Variants in HTR1F observed in about 807,000 individuals in gnomAD.
HTR1F encodes the protein 5-hydroxytryptamine (serotonin) receptor 1F, G protein-coupled.
In HTR1F, 17 loss-of-function variants were observed where a neutral mutation model predicts 24.0. That is an observed-to-expected ratio of 0.71 (90% CI 0.48 to 1.06). The LOEUF is 1.06. HTR1F is among the 50% of genes least tolerant of loss of function. The probability of loss-of-function intolerance (pLI) is 0.00; values close to 1 mark genes in which losing one functional copy is unlikely to be tolerated. For synonymous variants in HTR1F, 186 were observed against 156.8 expected, an observed-to-expected ratio of 1.19 and a Z score of -1.39; for missense variants, 391 against 427.8, an observed-to-expected ratio of 0.91 and a Z score of 0.76.
At chr3:87,836,523 T>G (rs891365494) in intron 2 of HTR1F, among the ~76,000 whole-genome samples, 3 of 152,166 alleles carry the variant, frequency 2.0e-5, no homozygotes, top group South Asian at 2.1e-4. Flanking sequence ...CAGTAAGCAT[T>G]GAATAAAGGT....
At chr3:87,804,293 T>C (rs1435479878) in intron 1 of HTR1F, among the ~76,000 whole-genome samples, 2 of 152,098 alleles carry the variant, frequency 1.3e-5, no homozygotes, top group Non-Finnish European at 2.9e-5. Context: ...AAATAAAAGC[T>C]AGGCTTGGTG....
At chr3:87,976,626 AT>A (rs1179599391) in intron 2 of HTR1F, among the ~76,000 whole-genome samples, 2 of 152,338 alleles carry the variant, frequency 1.3e-5, no homozygotes, top group East Asian at 1.9e-4. Flanking sequence ...AATTTAACAT[AT>A]TTTTATTCAT....
intron 2 of HTR1F, among the ~76,000 whole-genome samples, chr3:87,892,119 C>G (rs576900599): frequency 6.6e-6 from 1 of 152,290 alleles, no homozygotes; most frequent in Admixed American, 6.5e-5. Flanking sequence ...CTATCAATAG[C>G]TCTGTGACTT....
intron 2 of HTR1F, among the ~76,000 whole-genome samples, chr3:87,824,704 GACATGTGT>G (rs1431279074): frequency 6.6e-6 from 1 of 152,152 alleles, no homozygotes; most frequent in Non-Finnish European, 1.5e-5. Context: ...CCTGGACTGG[GACATGTGT>G]ATAGGTGTGC....
At chr3:87,847,805 C>T (rs1048319391) in intron 2 of HTR1F, among the ~76,000 whole-genome samples, 3 of 151,802 alleles carry the variant, frequency 2.0e-5, no homozygotes, top group African/African-American at 7.3e-5. Flanking sequence ...TTTGTCTTTC[C>T]GTGCTTAGGT....
chr3:87,817,362 C>A (rs918127105), intron 1 of HTR1F, among the ~76,000 whole-genome samples: 1 of 152,070 alleles, frequency 6.6e-6, no homozygotes, highest in Admixed American at 6.6e-5. Context: ...TATCATTATA[C>A]AAAAACAGTC....
intron 2 of HTR1F, among the ~76,000 whole-genome samples, chr3:87,832,252 A>T (rs2107155098): frequency 1.3e-5 from 2 of 152,112 alleles, no homozygotes; most frequent in South Asian, 4.2e-4. Context: ...AGTAGAAATA[A>T]TTAATTATAT....
chr3:87,849,638 C>T (rs1309527708), intron 2 of HTR1F, among the ~76,000 whole-genome samples: 2 of 151,960 alleles, frequency 1.3e-5, no homozygotes, highest in East Asian at 1.9e-4. Flanking sequence ...AGCTTCTGCA[C>T]AGCAAAAGAA....
At chr3:87,963,149 A>G (rs1174045047) in intron 2 of HTR1F, among the ~76,000 whole-genome samples, 2 of 152,112 alleles carry the variant, frequency 1.3e-5, no homozygotes, top group African/African-American at 4.8e-5. Context: ...CTTCTGGTCA[A>G]ATAAATCTAC....
At chr3:87,907,608 A>T (rs1287264958) in intron 2 of HTR1F, among the ~76,000 whole-genome samples, 1 of 152,054 alleles carries the variant, frequency 6.6e-6, no homozygotes, top group Non-Finnish European at 1.5e-5. Context: ...CATTTATCCT[A>T]GAAATATTCA....
At chr3:87,925,734 G>A (rs1191663836) in intron 2 of HTR1F, among the ~76,000 whole-genome samples, 1 of 152,130 alleles carries the variant, frequency 6.6e-6, no homozygotes, top group Non-Finnish European at 1.5e-5. Flanking sequence ...CCTGCATGGA[G>A]TGTGATCTTT....
chr3:87,802,068 TTC>T (rs1703998844), intron 1 of HTR1F, among the ~76,000 whole-genome samples: 1 of 98,712 alleles, frequency 1.0e-5, no homozygotes, highest in Admixed American at 9.3e-5. Flanking sequence ...TTTTCTTTCT[TTC>T]CCTCCCTCCT....
intron 2 of HTR1F, among the ~76,000 whole-genome samples, chr3:87,908,316 A>T (rs1470361682): frequency 6.6e-6 from 1 of 151,996 alleles, no homozygotes; most frequent in Admixed American, 6.6e-5. Context: ...TGAATTTTCT[A>T]TTTTGTGGAA....
intron 2 of HTR1F, among the ~76,000 whole-genome samples, chr3:87,943,337 G>T (rs1372818230): frequency 6.6e-6 from 1 of 152,184 alleles, no homozygotes; most frequent in Non-Finnish European, 1.5e-5. Flanking sequence ...TCAAAGGATT[G>T]TCCTAACCCT....
At chr3:87,857,998 A>G (rs1705232324) in intron 2 of HTR1F, among the ~76,000 whole-genome samples, 1 of 152,196 alleles carries the variant, frequency 6.6e-6, no homozygotes, top group Admixed American at 6.6e-5. Flanking sequence ...AATAATAAAG[A>G]AAAATGGTAA....
At chr3:87,893,976 T>C (rs1471195859) in intron 2 of HTR1F, among the ~76,000 whole-genome samples, 1 of 152,154 alleles carries the variant, frequency 6.6e-6, no homozygotes, top group African/African-American at 2.4e-5. Context: ...TACTCATTTT[T>C]TTTCCTTTCT....
intron 2 of HTR1F, among the ~76,000 whole-genome samples, chr3:87,950,210 A>G (rs563487301): frequency 6.6e-6 from 1 of 152,316 alleles, no homozygotes; most frequent in East Asian, 1.9e-4. Context: ...ACATGACCCA[A>G]ACACATCCCA....
At chr3:87,878,370 A>G (rs1262729559) in intron 2 of HTR1F, among the ~76,000 whole-genome samples, 4 of 152,320 alleles carry the variant, frequency 2.6e-5, no homozygotes, top group Middle Eastern at 3.4e-3. Flanking sequence ...GTAAATGCTA[A>G]ATCATTTTAT....
intron 2 of HTR1F, among the ~76,000 whole-genome samples, chr3:87,942,464 C>A (rs1360326423): frequency 6.6e-6 from 1 of 152,098 alleles, no homozygotes; most frequent in Non-Finnish European, 1.5e-5. Flanking sequence ...TGGCGCTTGC[C>A]CCGGGCACCC....
Sources: gnomAD v4.1 joint callset for allele counts (sites outside exome capture counted in the v4.1 genomes callset) on GRCh38, gnomAD v4.1.1 for gene constraint, MANE v1.5 for transcripts, NCBI Gene and HGNC (gene_info 2026-07-23, HGNC 2026-07-21) for gene names.